NFASC: variants seen among roughly 807,000 people sequenced by gnomAD.
NFASC encodes neurofascin homolog.
A neutral mutation model predicts 147.5 loss-of-function variants in NFASC; 43 were observed. The ratio of observed to expected loss-of-function variants is 0.29; its 90% confidence interval spans 0.23 to 0.38. The LOEUF is 0.38. NFASC is among the 10% of genes least tolerant of loss of function. NFASC has a pLI of 1.00. For missense variants in NFASC, 1,320 were observed against 1,689.0 expected (o/e 0.78, Z 3.83); for synonymous variants, 622 against 665.5 (o/e 0.93, Z 1.01).
At chr1:204,926,406 A>ATATATATATATATATATATATATATATT (rs1553257801) in intron 2 of NFASC, among the ~76,000 whole-genome samples, 1 of 14,110 alleles carries the variant, frequency 7.1e-5, no homozygotes, top group African/African-American at 2.1e-4. Context: ...ATATATATAT[A>ATATATATATATATATATATATATATATT]TTTTTTTTTT....
chr1:204,924,995 C>T (rs1308861576), intron 2 of NFASC, among the ~76,000 whole-genome samples: 1 of 152,220 alleles, frequency 6.6e-6, no homozygotes, highest in African/African-American at 2.4e-5. Flanking sequence ...CCGGCCTCAG[C>T]CTCTCGTGTA....
At chr1:204,940,440 G>A (rs2093284243) in intron 2 of NFASC, among the ~76,000 whole-genome samples, 1 of 152,200 alleles carries the variant, frequency 6.6e-6, no homozygotes, top group Non-Finnish European at 1.5e-5. Context: ...GCAACAGAGT[G>A]AGATTCTGTC....
At chr1:204,925,492 T>A (rs2091331908) in intron 2 of NFASC, among the ~76,000 whole-genome samples, 1 of 152,202 alleles carries the variant, frequency 6.6e-6, no homozygotes, top group Admixed American at 6.5e-5. Flanking sequence ...CAGCTAGTGG[T>A]TTGTCATTCA....
At chr1:204,897,958 G>A (rs527238321) in intron 1 of NFASC, among the ~76,000 whole-genome samples, 1 of 152,070 alleles carries the variant, frequency 6.6e-6, no homozygotes, top group East Asian at 1.9e-4. Context: ...GGCTGGTCTC[G>A]AACTCCTCAT....
chr1:205,007,690 A>C (rs1371402333), intron 27 of NFASC, among the ~76,000 whole-genome samples: 1 of 152,122 alleles, frequency 6.6e-6, no homozygotes, highest in Non-Finnish European at 1.5e-5. Context: ...TAGAAGAAAA[A>C]GCAGCAGATG....
chr1:204,967,966 C>A, intron 8 of NFASC: 6 of 274,570 alleles, frequency 2.2e-5, no homozygotes, highest in South Asian at 1.1e-4. Context: ...ACAGCCCCTC[C>A]CCGTTCCAGG....
At chr1:204,870,556 T>G in intron 1 of NFASC, 4 of 469,720 alleles carry the variant, frequency 8.5e-6, no homozygotes, top group Non-Finnish European at 1.1e-5. Flanking sequence ...CACCCCCGCC[T>G]TGGGGAGCCT....
intron 28 of NFASC, among the ~76,000 whole-genome samples, chr1:205,011,828 C>A (rs556601119): frequency 6.6e-6 from 1 of 152,286 alleles, no homozygotes; most frequent in South Asian, 2.1e-4. Flanking sequence ...GCCTGTAATC[C>A]CAGCACTTTG....
At chr1:204,969,076 C>T (rs973533694) in intron 10 of NFASC, 94 bp downstream of exon 10, 50 of 1,146,558 alleles carry the variant, frequency 4.4e-5, no homozygotes, top group Non-Finnish European at 5.5e-5. Flanking sequence ...CAGAGTGAGT[C>T]GGAGAGACTT....
At chr1:204,857,432 C>T (rs1441722103) in intron 1 of NFASC, among the ~76,000 whole-genome samples, 1 of 152,132 alleles carries the variant, frequency 6.6e-6, no homozygotes, top group Non-Finnish European at 1.5e-5. Context: ...AGCAGAATAA[C>T]CCAAAATATA....
intron 1 of NFASC, among the ~76,000 whole-genome samples, chr1:204,838,563 T>C (rs1436865151): frequency 6.6e-6 from 1 of 152,184 alleles, no homozygotes; most frequent in Non-Finnish European, 1.5e-5. Context: ...GTCTGGGGTC[T>C]CAGGGACCTG....
At position 204,936,118 on chromosome 1, in the gene NFASC, A is replaced by AGT. The variant is rs1162690896; in HGVS notation, c.-90-8107_-90-8106dup. Among the ~76,000 whole-genome samples the AGT allele has an allele frequency of 1.1e-4, 16 of 151,124 alleles. No homozygotes were observed. In the East Asian group the frequency reaches 3.2e-3, roughly 30 times the overall value. On this transcript the variant is annotated intron_variant, in intron 2 of 29. Transcript: ENST00000339876. The stretch of plus-strand genomic sequence containing the variant: ...CAATCCTCCTTGAAGAAGGCCCCTG[A>AGT]GTCATTTTCGGAAAACCCACCAGCT...
In NFASC at chr1:204,870,014, C is replaced by T. The variant is rs75089299; in HGVS notation, c.-200+41232C>T. Among the ~76,000 whole-genome samples, 1,185 of 152,244 alleles carry T rather than the reference C, an allele frequency of 7.8e-3. 25 individuals carry two copies. Among genetic ancestry groups the T allele is most frequent in the African/African-American group, 0.027 (1,129 of 41,540 alleles). On this transcript the variant is annotated intron_variant, in intron 1 of 29. Transcript: ENST00000339876. Reference sequence around the variant, plus strand: ...AGATGTTTTCATGTTTTTCCAAACTCCCTTCTGGGAATGCTGTTATCAGGG... The same window carrying T: ...AGATGTTTTCATGTTTTTCCAAACTTCCTTCTGGGAATGCTGTTATCAGGG...
At chr1:204,908,555 A>G (rs1558060972) in intron 1 of NFASC, among the ~76,000 whole-genome samples, 1 of 152,144 alleles carries the variant, frequency 6.6e-6, no homozygotes. Context: ...GTTGTAGCAG[A>G]TAACACTACT....
chr1:204,908,551 G>T (rs1054556013), intron 1 of NFASC, among the ~76,000 whole-genome samples: 1 of 151,918 alleles, frequency 6.6e-6, no homozygotes, highest in African/African-American at 2.4e-5. Flanking sequence ...TTCAGTTGTA[G>T]CAGATAACAC....
chr1:205,001,047 A>G (rs2095972066), intron 25 of NFASC, 123 bp from the exon 26 acceptor site: 1 of 701,688 alleles, frequency 1.4e-6, no homozygotes, highest in Non-Finnish European at 2.6e-6. Flanking sequence ...CTGTGTGTAC[A>G]TGTGTGCGTG....
chr1:204,866,055 C>A (rs376819533), intron 1 of NFASC, among the ~76,000 whole-genome samples: 1 of 152,192 alleles, frequency 6.6e-6, no homozygotes, highest in Non-Finnish European at 1.5e-5. Flanking sequence ...CTATCTCCTT[C>A]AAGGGGCAGC....
At chr1:204,967,004 AAG>A (rs1373837405) in intron 8 of NFASC, among the ~76,000 whole-genome samples, 1 of 152,070 alleles carries the variant, frequency 6.6e-6, no homozygotes, top group Non-Finnish European at 1.5e-5. Context: ...CATCTGGATA[AAG>A]TTCCCCCGCA....
intron 11 of NFASC, among the ~76,000 whole-genome samples, chr1:204,972,163 C>T (rs2095278945): frequency 6.6e-6 from 1 of 152,172 alleles, no homozygotes; most frequent in South Asian, 2.1e-4. Context: ...CTCAGGCTGG[C>T]TATCTGTGGA....
Sources: allele counts gnomAD v4.1 joint callset (sites outside exome capture counted in the v4.1 genomes callset), GRCh38; gene constraint gnomAD v4.1.1; transcripts MANE v1.5; gene names NCBI Gene and HGNC (gene_info 2026-07-23, HGNC 2026-07-21).